The following FRMPD2 variants were observed in gnomAD, a reference collection of about 807,000 sequenced individuals.
FRMPD2 encodes the protein FERM and PDZ domain containing 2.
Under a neutral mutation model 140.1 loss-of-function variants are expected in FRMPD2, and 96 were observed. The observed-to-expected ratio is 0.69, with a 90% CI of 0.58 to 0.81. FRMPD2 has a LOEUF of 0.81. FRMPD2 is among the 40% of genes least tolerant of loss of function. FRMPD2 has a pLI of 0.00. For missense variants in FRMPD2, 1,240 were observed against 1,447.4 expected, an observed-to-expected ratio of 0.86 and a Z score of 2.32; for synonymous variants, 449 against 547.6, an observed-to-expected ratio of 0.82 and a Z score of 2.52.
chr10:48,251,484 C>G, intron 2 of FRMPD2, 82 bp downstream of exon 2: 3 of 1,542,472 alleles, frequency 1.9e-6, no homozygotes, highest in Non-Finnish European at 2.6e-6. Context: ...TTTAAAAAAG[C>G]AGCAGCAGCC....
chr10:48,239,502 C>G lies in FRMPD2; in HGVS notation c.788+103G>C, dbSNP rs144975531. 498 of 750,464 alleles carry G rather than the reference C, an allele frequency of 6.6e-4. 5 individuals are homozygous for G. In the East Asian group the frequency reaches 0.012, roughly 19 times the overall value. 46.5% of individuals were successfully genotyped at this position (750,464 alleles called of 1,614,324 possible). On this transcript the variant is annotated intron_variant, in intron 7 of 28. Coordinates refer to ENST00000374201, the MANE Select transcript of FRMPD2 (RefSeq NM_001018071.4). ...ATAGCATTGGCATTTTCTGGAGGAG[C>G]AAGAGGCTTCTTACTAATAATCAGT...
chr10:48,210,607 G>A (rs1427859129), intron 13 of FRMPD2, among the ~76,000 whole-genome samples: 1 of 152,154 alleles, frequency 6.6e-6, no homozygotes, highest in Non-Finnish European at 1.5e-5. Context: ...TGGCTTTGAA[G>A]TCCCCACTGG....
intron 4 of FRMPD2, among the ~76,000 whole-genome samples, chr10:48,244,360 G>A (rs772835907): frequency 2.6e-5 from 4 of 152,242 alleles, no homozygotes; most frequent in Non-Finnish European, 4.4e-5. Flanking sequence ...CTTTGAGAGG[G>A]AGATATTGTA....
chr10:48,177,139 A>C (rs1838430924), intron 22 of FRMPD2, among the ~76,000 whole-genome samples: 1 of 137,846 alleles, frequency 7.3e-6, no homozygotes, highest in African/African-American at 2.8e-5. Flanking sequence ...ACAGAGTCTC[A>C]CTCTGTCGCC....
chr10:48,163,750 T>G (rs1162143042), intron 27 of FRMPD2, 79 bp from the exon 28 acceptor site: 1 of 708,850 alleles, frequency 1.4e-6, no homozygotes, highest in Admixed American at 2.0e-5. Flanking sequence ...TTTTCCCCCA[T>G]GTGATTATAG....
At chr10:48,211,838 C>T (rs1295191763) in intron 13 of FRMPD2, 116 bp downstream of exon 13, 3 of 934,846 alleles carry the variant, frequency 3.2e-6, no homozygotes, top group Non-Finnish European at 4.6e-6. Context: ...TCCACCCTTG[C>T]TCATGCCTCC....
intron 12 of FRMPD2, among the ~76,000 whole-genome samples, chr10:48,213,566 G>A (rs1447494572): frequency 6.6e-6 from 1 of 152,108 alleles, no homozygotes; most frequent in Non-Finnish European, 1.5e-5. Context: ...GCCAAAACTT[G>A]GAAGCAAATG....
chr10:48,242,768 C>A (rs562656989), intron 4 of FRMPD2, among the ~76,000 whole-genome samples: 3 of 152,230 alleles, frequency 2.0e-5, no homozygotes, highest in Non-Finnish European at 4.4e-5. Context: ...TGGCCTTTCC[C>A]CTGGAATGTG....
At chr10:48,242,384 A>G in intron 4 of FRMPD2, 32 bp from the exon 5 acceptor site, 3 of 1,590,946 alleles carry the variant, frequency 1.9e-6, no homozygotes, top group Non-Finnish European at 2.6e-6. Flanking sequence ...GAGAGGAGAG[A>G]GCAGCCAGAG....
rs1445189903 is a variant in FRMPD2, at chr10:48,229,834, G to T, written c.1168+2281C>A. Among the ~76,000 whole-genome samples, 5 of 152,186 alleles carry T rather than the reference G, an allele frequency of 3.3e-5. 1 individual carries two copies. The highest frequency in any genetic ancestry group is 1.2e-4 in the African/African-American group (5 of 41,522). On this transcript the variant is annotated intron_variant, in intron 10 of 28. Transcript: ENST00000374201. ...TGTTGGTACTTTTCTAAACGCATTTGCAATCAGCTACAGTCCAAAAATTGC... is the reference window on the plus strand; with the variant it reads ...TGTTGGTACTTTTCTAAACGCATTTTCAATCAGCTACAGTCCAAAAATTGC...
At chr10:48,270,308 A>T (rs375809077) in intron 1 of FRMPD2, among the ~76,000 whole-genome samples, 2 of 152,120 alleles carry the variant, frequency 1.3e-5, no homozygotes, top group African/African-American at 4.8e-5. Flanking sequence ...GACCTTACTT[A>T]TGTGTGGCCA....
chr10:48,265,862 T>C (rs1445046716), intron 1 of FRMPD2, among the ~76,000 whole-genome samples: 1 of 152,210 alleles, frequency 6.6e-6, no homozygotes, highest in Admixed American at 6.5e-5. Flanking sequence ...ATCCCACTAC[T>C]GGGTATATAC....
At chr10:48,266,442 GTTA>G (rs1203420884) in intron 1 of FRMPD2, among the ~76,000 whole-genome samples, 1 of 152,152 alleles carries the variant, frequency 6.6e-6, no homozygotes, top group Non-Finnish European at 1.5e-5. Context: ...AGAAAAAAGA[GTTA>G]TTATAGGGTA....
chr10:48,159,524 C>A (rs1300233206), intron 28 of FRMPD2, among the ~76,000 whole-genome samples: 1 of 151,870 alleles, frequency 6.6e-6, no homozygotes, highest in African/African-American at 2.4e-5. Context: ...GCAACTGCAT[C>A]CCTCCCTAAC....
Position 48,185,610 on chromosome 10 carries a change from CAGCTATAA to C in FRMPD2, c.2294_2301del (p.Phe765Ter). 1 of 1,614,108 alleles carries C rather than the reference CAGCTATAA, an allele frequency of 6.2e-7. No individual in the cohort carries two copies. Among genetic ancestry groups the C allele is most frequent in the Non-Finnish European group, 8.5e-7 (1 of 1,179,970 alleles). On this transcript the variant is annotated frameshift_variant, in exon 18 of 29. Transcript: ENST00000374201. LOFTEE classifies it high-confidence loss of function. ...ACACGTACAATTTCTCGGCCCGGTTCAGCTATAAAGCTCTTCCTCCTATTATTCTTTGA... is the reference window on the plus strand; with the variant it reads ...ACACGTACAATTTCTCGGCCCGGTTCAGCTCTTCCTCCTATTATTCTTTGA...
chr10:48,259,328 T>C (rs531641890), intron 1 of FRMPD2, among the ~76,000 whole-genome samples: 5 of 152,250 alleles, frequency 3.3e-5, no homozygotes, highest in African/African-American at 1.2e-4. Flanking sequence ...TTAATTGACT[T>C]AAGGTCACAA....
intron 14 of FRMPD2, among the ~76,000 whole-genome samples, chr10:48,202,493 CTT>C (rs1339079334): frequency 2.6e-5 from 4 of 152,322 alleles, no homozygotes; most frequent in African/African-American, 2.4e-5. Context: ...TCTGTATACT[CTT>C]TACTTTTACT....
chr10:48,216,939 C>A (rs1839464626), intron 12 of FRMPD2, among the ~76,000 whole-genome samples: 1 of 152,078 alleles, frequency 6.6e-6, no homozygotes, highest in Admixed American at 6.6e-5. Context: ...GTACTGAGGG[C>A]AGGAAGGAGT....
intron 1 of FRMPD2, among the ~76,000 whole-genome samples, chr10:48,265,347 A>G (rs1283767663): frequency 6.6e-6 from 1 of 152,218 alleles, no homozygotes; most frequent in Non-Finnish European, 1.5e-5. Flanking sequence ...AATTGCAACA[A>G]AAGCAAAACT....
Sources: gnomAD v4.1 joint callset for allele counts (sites outside exome capture counted in the v4.1 genomes callset) on GRCh38, gnomAD v4.1.1 for gene constraint, MANE v1.5 for transcripts, NCBI Gene and HGNC (gene_info 2026-07-23, HGNC 2026-07-21) for gene names.